RBFOX1: variants seen among roughly 807,000 people sequenced by gnomAD.
RBFOX1 encodes RNA binding fox-1 homolog 1, also known as RNA binding protein fox-1 homolog 1.
Under a neutral mutation model 57.7 loss-of-function variants are expected in RBFOX1, and 8 were observed. That is an observed-to-expected ratio of 0.14 (90% CI 0.08 to 0.25). RBFOX1 has a LOEUF of 0.25. RBFOX1 is among the 10% of genes least tolerant of loss of function. RBFOX1 has a pLI of 1.00. For missense variants in RBFOX1, 611 were observed against 548.5 expected (o/e 1.11, Z -1.14); for synonymous variants, 326 against 222.4 (o/e 1.47, Z -4.15).
chr16:6,865,680 T>G (rs950839636), intron 3 of RBFOX1, among the ~76,000 whole-genome samples: 1 of 152,202 alleles, frequency 6.6e-6, no homozygotes, highest in African/African-American at 2.4e-5. Context: ...CCTAATTCCT[T>G]TAGTTAATAA....
At chr16:5,951,784 TGTTAAAAGTTAAAA>T (rs113943917) in intron 4 of RBFOX1, among the ~76,000 whole-genome samples, 2 of 151,734 alleles carry the variant, frequency 1.3e-5, no homozygotes, top group African/African-American at 4.8e-5. Flanking sequence ...AGGGATAGAT[TGTTAAAAGTTAAAA>T]GTTAAAGTTG....
chr16:6,322,640 G>T (rs1020792045), intron 2 of RBFOX1, among the ~76,000 whole-genome samples: 11 of 152,188 alleles, frequency 7.2e-5, no homozygotes, highest in Admixed American at 6.5e-4. Flanking sequence ...GAACAGGCAG[G>T]AGTGGAACAG....
chr16:5,374,361 T>C (rs891888706), intron 1 of RBFOX1, among the ~76,000 whole-genome samples: 3 of 152,188 alleles, frequency 2.0e-5, no homozygotes, highest in African/African-American at 7.2e-5. Flanking sequence ...CCTGAGGAGA[T>C]CAGGGAAGGC....
chr16:6,241,084 C>T (rs2097537775), intron 1 of RBFOX1, among the ~76,000 whole-genome samples: 1 of 152,144 alleles, frequency 6.6e-6, no homozygotes, highest in Non-Finnish European at 1.5e-5. Flanking sequence ...TCAACTTATC[C>T]CTCCTGGAAA....
At chr16:7,004,848 G>A (rs369049079) in intron 3 of RBFOX1, among the ~76,000 whole-genome samples, 1 of 152,106 alleles carries the variant, frequency 6.6e-6, no homozygotes, top group Non-Finnish European at 1.5e-5. Flanking sequence ...GACAGAACAG[G>A]TTGAATCCTT....
intron 2 of RBFOX1, among the ~76,000 whole-genome samples, chr16:6,361,774 A>C (rs1343132929): frequency 1.3e-5 from 2 of 152,210 alleles, no homozygotes; most frequent in Admixed American, 6.5e-5. Flanking sequence ...GTGTATTTTA[A>C]AGATTTCCCC....
chr16:7,202,808 C>T (rs768222093), intron 4 of RBFOX1, among the ~76,000 whole-genome samples: 2 of 152,186 alleles, frequency 1.3e-5, no homozygotes, highest in South Asian at 2.1e-4. Context: ...AACAGCCCCC[C>T]ACCCTGGCCA....
At chr16:6,875,349 A>G (rs867805664) in intron 3 of RBFOX1, among the ~76,000 whole-genome samples, 2 of 152,122 alleles carry the variant, frequency 1.3e-5, no homozygotes, top group East Asian at 3.9e-4. Context: ...TCCTTTATAC[A>G]CAGCTTTGAC....
chr16:6,102,135 C>T (rs150865250), intron 1 of RBFOX1, among the ~76,000 whole-genome samples: 6 of 147,070 alleles, frequency 4.1e-5, no homozygotes, highest in African/African-American at 7.6e-5. Flanking sequence ...GTATGAGTTT[C>T]GGCCTGAAGG....
At chr16:6,567,667 A>T (rs2097286470) in intron 2 of RBFOX1, among the ~76,000 whole-genome samples, 1 of 152,172 alleles carries the variant, frequency 6.6e-6, no homozygotes, top group Non-Finnish European at 1.5e-5. Flanking sequence ...AGTGCCTGGC[A>T]CCCAGTAGAT....
At chr16:7,631,962 T>G (rs2061037656) in intron 11 of RBFOX1, among the ~76,000 whole-genome samples, 1 of 152,136 alleles carries the variant, frequency 6.6e-6, no homozygotes, top group Admixed American at 6.6e-5. Context: ...CAGGCTGGAG[T>G]GCAGTGGTGC....
chr16:7,123,108 T>C (rs2067579507), intron 4 of RBFOX1, among the ~76,000 whole-genome samples: 1 of 152,198 alleles, frequency 6.6e-6, no homozygotes, highest in Non-Finnish European at 1.5e-5. Flanking sequence ...GGAACTCTTC[T>C]GCTTCCTAAT....
intron 2 of RBFOX1, among the ~76,000 whole-genome samples, chr16:5,510,920 G>A (rs781657145): frequency 1.3e-5 from 2 of 152,168 alleles, no homozygotes; most frequent in Non-Finnish European, 2.9e-5. Flanking sequence ...AACTACTGCT[G>A]TAAAGGGTTA....
chr16:5,985,084 C>A (rs1357310317), intron 4 of RBFOX1, among the ~76,000 whole-genome samples: 5 of 149,066 alleles, frequency 3.4e-5, no homozygotes, highest in Non-Finnish European at 7.4e-5. Context: ...TTCCCGGGTT[C>A]ACACCATTCT....
chr16:7,448,305 G>T lies in RBFOX1; in HGVS notation c.28-69842G>T, dbSNP rs555359038. On this transcript the variant is annotated intron_variant, in intron 4 of 15. Coordinates refer to ENST00000550418, the MANE Select transcript of RBFOX1 (RefSeq NM_018723.4). ...GAAGGATGTATTAGTTGATTCTGATGCTGCTAATAAAGACATACCTGAAAC... is the reference window on the plus strand; with the variant it reads ...GAAGGATGTATTAGTTGATTCTGATTCTGCTAATAAAGACATACCTGAAAC... 1.4e-4 allele frequency among the ~76,000 whole-genome samples: 22 copies of T among 152,322 alleles called. No individual in the cohort carries two copies. The East Asian group carries it at 1.9e-3, about 13-fold the overall frequency.
At chr16:6,642,368 C>A (rs181548486) in intron 2 of RBFOX1, among the ~76,000 whole-genome samples, 1 of 152,198 alleles carries the variant, frequency 6.6e-6, no homozygotes, top group Admixed American at 6.5e-5. Context: ...TAAACTCCCG[C>A]TGTGATGCCA....
chr16:7,420,141 C>G (rs987195157), intron 4 of RBFOX1, among the ~76,000 whole-genome samples: 2 of 152,000 alleles, frequency 1.3e-5, no homozygotes, highest in Non-Finnish European at 2.9e-5. Context: ...GTAACGTTTG[C>G]TTTGGATATA....
Position 5,758,127 on chromosome 16 carries a change from G to A in RBFOX1, c.319-109176G>A, listed in dbSNP as rs573848237. Among the ~76,000 whole-genome samples the A allele has an allele frequency of 2.0e-5, 3 of 152,304 alleles. No homozygotes were observed. The South Asian group carries it at 6.2e-4, about 32-fold the overall frequency. On this transcript the variant is annotated intron_variant, in intron 3 of 19. Coordinates refer to the RBFOX1 transcript ENST00000641259. ...ATATGTGTGGGGGCACAGAGCAAAT[G>A]TTAAATTGAGCCAGGAAAGACTCCA...
intron 2 of RBFOX1, among the ~76,000 whole-genome samples, chr16:6,323,346 G>T (rs1383167734): frequency 6.6e-6 from 1 of 152,116 alleles, no homozygotes; most frequent in Non-Finnish European, 1.5e-5. Flanking sequence ...TGCTTATGAT[G>T]CTCCCTGATG....
Sources: allele counts gnomAD v4.1 joint callset (sites outside exome capture counted in the v4.1 genomes callset), GRCh38; gene constraint gnomAD v4.1.1; transcripts MANE v1.5; gene names NCBI Gene and HGNC (gene_info 2026-07-23, HGNC 2026-07-21).